SORL1: variants seen among roughly 807,000 people sequenced by gnomAD.
The protein encoded by SORL1 is sortilin related receptor 1.
In SORL1, 127 loss-of-function variants were observed where a neutral mutation model predicts 273.7. The observed-to-expected ratio is 0.46, with a 90% CI of 0.40 to 0.54. The LOEUF (loss-of-function observed/expected upper bound fraction) is 0.54. SORL1 is among the 20% of genes least tolerant of loss of function. SORL1 has a pLI of 0.00. For synonymous variants in SORL1, 1,031 were observed against 1,067.4 expected (o/e 0.97, Z 0.66); for missense variants, 2,494 against 2,846.1 (o/e 0.88, Z 2.81).
intron 23 of SORL1, among the ~76,000 whole-genome samples, chr11:121,571,056 A>G (rs1266493508): frequency 5.9e-5 from 9 of 152,196 alleles, no homozygotes; most frequent in African/African-American, 1.7e-4. Flanking sequence ...CTGGGCCTGC[A>G]TATATATTGC....
intron 29 of SORL1, 30 bp from the exon 30 acceptor site, chr11:121,590,010 A>G (rs1366891991): frequency 1.2e-6 from 2 of 1,611,494 alleles, no homozygotes; most frequent in African/African-American, 1.3e-5. Flanking sequence ...ATGCAGGGAA[A>G]GCAACTGATG....
intron 6 of SORL1, 81 bp downstream of exon 6, chr11:121,497,130 T>A (rs953152449): frequency 1.7e-6 from 2 of 1,190,488 alleles, no homozygotes; most frequent in Non-Finnish European, 2.4e-6. Context: ...ACAGGTGAGT[T>A]TGCATACACA....
intron 8 of SORL1, among the ~76,000 whole-genome samples, chr11:121,514,776 G>A (rs1861927157): frequency 6.6e-6 from 1 of 152,152 alleles, no homozygotes; most frequent in African/African-American, 2.4e-5. Flanking sequence ...TGTAAAGAAA[G>A]GCACCAACGT....
At chr11:121,489,124 G>C (rs1362525189) in intron 4 of SORL1, among the ~76,000 whole-genome samples, 1 of 152,156 alleles carries the variant, frequency 6.6e-6, no homozygotes, top group African/African-American at 2.4e-5. Context: ...CGTGTATTCA[G>C]TTGGTTCTCT....
chr11:121,595,644 C>G lies in SORL1; in HGVS notation c.4391C>G (p.Thr1464Ser). ...PLLANVTAAS[T>S]PTQLGRCDRF... The stretch of plus-strand genomic sequence containing the variant: ...TTAGCAAACGTCACTGCTGCCTCCA[C>G]TCCCACCCAACTTGGGCGATGTGAC... The change falls in exon 32 of 48, where the codon ACT (threonine) becomes AGT (serine). Residue 1464 changes from threonine (T) to serine (S), a missense_variant. Physicochemically the swap from Thr to Ser is moderately conservative, Grantham distance 58. Coordinates refer to ENST00000260197, the MANE Select transcript of SORL1 (RefSeq NM_003105.6). The surrounding 1 kb of genome is among the most constrained non-coding windows in gnomAD (Gnocchi z 5.1). 6.2e-7 allele frequency: 1 copy of G among 1,609,200 alleles called. No homozygotes were observed. Among genetic ancestry groups the G allele is most frequent in the Non-Finnish European group, 8.5e-7 (1 of 1,177,644 alleles).
At chr11:121,624,011 G>C (rs780160483) in intron 45 of SORL1, among the ~76,000 whole-genome samples, 20 of 152,340 alleles carry the variant, frequency 1.3e-4, no homozygotes, top group Non-Finnish European at 2.6e-4. Context: ...GGCAGACAAA[G>C]AGAGAATGAG....
At chr11:121,610,159 C>T (rs190672091) in intron 38 of SORL1, 1 of 152,300 alleles carries the variant, frequency 6.6e-6, no homozygotes, top group East Asian at 1.9e-4. Flanking sequence ...CTTGCCCAGT[C>T]TATAGAAGGG....
intron 1 of SORL1, among the ~76,000 whole-genome samples, chr11:121,460,207 A>G (rs1171331514): frequency 6.6e-6 from 1 of 152,174 alleles, no homozygotes; most frequent in African/African-American, 2.4e-5. Context: ...TCTATTATTT[A>G]GAAGAGAGAC....
At chr11:121,628,630 T>G (rs942255400) in intron 47 of SORL1, among the ~76,000 whole-genome samples, 14 of 152,238 alleles carry the variant, frequency 9.2e-5, no homozygotes, top group African/African-American at 3.4e-4. Flanking sequence ...GTAAGAAGTT[T>G]CCCGTTTTGA....
chr11:121,616,045 G>C (rs554771293), intron 41 of SORL1, among the ~76,000 whole-genome samples: 24 of 152,314 alleles, frequency 1.6e-4, no homozygotes, highest in African/African-American at 5.3e-4. Context: ...GGCAGGGACA[G>C]TGATGAGAAG....
chr11:121,559,638 C>T lies in SORL1; in HGVS notation c.3030C>T (p.Phe1010=). The change falls in exon 21 of 48, where the codon TTC becomes TTT. Residue 1010 remains phenylalanine, a synonymous_variant. Transcript: ENST00000260197. ...QLTGLMDMKI[F]YKGKNTGSNA... is the part of the protein sequence containing the mutation. ...CGGGGCTCATGGACATGAAGATTTTCTACAAGGGGAAGAACACTGGTAAGC... is the reference window on the plus strand; with the variant it reads ...CGGGGCTCATGGACATGAAGATTTTTTACAAGGGGAAGAACACTGGTAAGC... 4.3e-6 allele frequency: 7 copies of T among 1,614,096 alleles called. No homozygotes were observed. In the African/African-American group the frequency reaches 6.7e-5, roughly 15 times the overall value.
intron 5 of SORL1, among the ~76,000 whole-genome samples, chr11:121,492,105 A>T (rs2134816441): frequency 6.6e-6 from 1 of 152,246 alleles, no homozygotes; most frequent in South Asian, 2.1e-4. Context: ...TCATGCCTGT[A>T]ATCCCAGCAC....
intron 30 of SORL1, chr11:121,590,519 T>G (rs1039130862): frequency 1.9e-6 from 1 of 516,970 alleles, no homozygotes; most frequent in Non-Finnish European, 3.5e-6. Context: ...AGAATCTGCA[T>G]GCTAATAAGC....
rs1427430156 is a variant in SORL1 at position 121,629,678 on chromosome 11, C to CAAAAACA, written c.*128_*134dup. On this transcript the variant is annotated 3_prime_UTR_variant, in exon 48 of 48. Coordinates refer to ENST00000260197, the MANE Select transcript of SORL1 (RefSeq NM_003105.6). ...TGCAATATGTTATTTTTATATGGGCCAAAAACAAAAAACAAAAAAAAAAAA... is the reference window on the plus strand; with the variant it reads ...TGCAATATGTTATTTTTATATGGGCCAAAAACAAAAAACAAAAAACAAAAAAAAAAAA... The CAAAAACA allele has an allele frequency of 2.5e-6, 1 of 407,248 alleles. No individual in the cohort carries two copies. The highest frequency in any genetic ancestry group is 3.7e-5 in the East Asian group (1 of 26,846). 25.2% of individuals were successfully genotyped at this position (407,248 alleles called of 1,614,324 possible).
chr11:121,622,404 T>C (rs896278073), intron 45 of SORL1, 136 bp downstream of exon 45: 2 of 575,216 alleles, frequency 3.5e-6, no homozygotes, highest in Non-Finnish European at 6.2e-6. Context: ...GGACATGAAC[T>C]TGAGAATTAA....
chr11:121,583,648 C>T, intron 26 of SORL1, 65 bp downstream of exon 26: 1 of 1,511,432 alleles, frequency 6.6e-7, no homozygotes, highest in Non-Finnish European at 8.9e-7. Context: ...GGAAGAGAGG[C>T]CACAGAGAGC....
At chr11:121,602,052 T>A (rs556667544) in intron 32 of SORL1, among the ~76,000 whole-genome samples, 4 of 152,318 alleles carry the variant, frequency 2.6e-5, no homozygotes, top group Middle Eastern at 6.8e-3. Flanking sequence ...TCTGGAGCAG[T>A]GCCCGAGTCA....
chr11:121,522,057 C>T (rs1862047394), intron 9 of SORL1, among the ~76,000 whole-genome samples: 1 of 152,172 alleles, frequency 6.6e-6, no homozygotes, highest in African/African-American at 2.4e-5. Context: ...ATGTAAAATA[C>T]ATAGGAAAAA....
intron 24 of SORL1, among the ~76,000 whole-genome samples, chr11:121,574,730 A>G (rs989767102): frequency 6.6e-6 from 1 of 152,190 alleles, no homozygotes; most frequent in Non-Finnish European, 1.5e-5. Flanking sequence ...AGCTCCTGTC[A>G]CTTACTCTTA....
Sources: allele counts gnomAD v4.1 joint callset (sites outside exome capture counted in the v4.1 genomes callset), GRCh38; gene constraint gnomAD v4.1.1; non-coding constraint Gnocchi (gnomAD v3.1); transcripts MANE v1.5; gene names NCBI Gene and HGNC (gene_info 2026-07-23, HGNC 2026-07-21).